TMPRSS6: variants seen among roughly 807,000 people sequenced by gnomAD.
TMPRSS6 encodes the protein transmembrane serine protease 6.
TMPRSS6 carries 67 observed loss-of-function variants against 101.5 expected under a neutral mutation model. The ratio of observed to expected loss-of-function variants is 0.66; its 90% CI spans 0.54 to 0.81. The LOEUF is 0.81. TMPRSS6 is among the 30% of genes least tolerant of loss of function. The pLI is 0.00. For synonymous variants in TMPRSS6, 453 were observed against 464.9 expected, an observed-to-expected ratio of 0.97 and a Z score of 0.33; for missense variants, 1,034 against 1,088.7, an observed-to-expected ratio of 0.95 and a Z score of 0.71.
At chr22:37,078,773 A>AGGAGGAGG (rs1569005320) in intron 10 of TMPRSS6, among the ~76,000 whole-genome samples, 464 of 144,626 alleles carry the variant, frequency 3.2e-3, no homozygotes, top group Non-Finnish European at 4.7e-3. Context: ...GAATGAGGAG[A>AGGAGGAGG]AGGAGGAGGA....
intron 10 of TMPRSS6, among the ~76,000 whole-genome samples, chr22:37,078,830 G>A (rs1237691761): frequency 7.7e-6 from 1 of 130,542 alleles, no homozygotes; most frequent in East Asian, 2.0e-4. Context: ...GAAGAAGAAA[G>A]AGGAGGAGGA....
At chr22:37,093,735 C>T (rs1238474153) in intron 6 of TMPRSS6, among the ~76,000 whole-genome samples, 3 of 150,842 alleles carry the variant, frequency 2.0e-5, no homozygotes, top group African/African-American at 7.3e-5. Flanking sequence ...GAAAAATGGC[C>T]TATGGAGCCA....
intron 8 of TMPRSS6, 120 bp downstream of exon 8, chr22:37,086,163 A>G: frequency 1.4e-6 from 2 of 1,397,274 alleles, no homozygotes; most frequent in Non-Finnish European, 2.0e-6. Context: ...AGCTTCCAGA[A>G]TCTTCCCTCT....
At chr22:37,106,727 C>A (rs918576567) in intron 1 of TMPRSS6, among the ~76,000 whole-genome samples, 2 of 152,142 alleles carry the variant, frequency 1.3e-5, no homozygotes, top group African/African-American at 4.8e-5. Context: ...CCCCTTGCTG[C>A]GACATCCAAG....
chr22:37,074,554 T>G, intron 12 of TMPRSS6, 56 bp downstream of exon 12: 2 of 1,524,930 alleles, frequency 1.3e-6, no homozygotes, highest in East Asian at 2.3e-5. Flanking sequence ...GCAGGAAAGG[T>G]GAGGAAGGAG....
chr22:37,087,190 C>T (rs1017121150), intron 7 of TMPRSS6, among the ~76,000 whole-genome samples: 1 of 152,200 alleles, frequency 6.6e-6, no homozygotes, highest in African/African-American at 2.4e-5. Context: ...CACCAACCTC[C>T]CCCAAACTTC....
At chr22:37,078,949 G>GA (rs1927978636) in intron 10 of TMPRSS6, among the ~76,000 whole-genome samples, 1 of 113,568 alleles carries the variant, frequency 8.8e-6, no homozygotes, top group African/African-American at 3.6e-5. Flanking sequence ...GAAGGAGAAG[G>GA]AGAAAAAGAG....
chr22:37,070,795 G>A, intron 14 of TMPRSS6, 121 bp downstream of exon 14: 1 of 1,306,402 alleles, frequency 7.7e-7, no homozygotes, highest in East Asian at 2.3e-5. Context: ...ACCCAGGCAA[G>A]GGGGCAGAGG....
At chr22:37,072,936 C>T (rs1259323312) in intron 13 of TMPRSS6, among the ~76,000 whole-genome samples, 1 of 129,966 alleles carries the variant, frequency 7.7e-6, no homozygotes, top group African/African-American at 3.0e-5. Flanking sequence ...GGATGATGGA[C>T]AGATGGATGA....
Position 37,071,024 on chromosome 22 carries a change from A to G in TMPRSS6, c.1564T>C (p.Cys522Arg). 4 of 1,612,052 alleles carry G rather than the reference A, an allele frequency of 2.5e-6. No individual in the cohort carries two copies. The highest frequency in any genetic ancestry group is 1.1e-5 in the South Asian group (1 of 91,032). Reference protein sequence around the residue: ...DEEQCQEGVPCGTFTFQCEDR... With the variant: ...DEEQCQEGVPRGTFTFQCEDR... ...TCACACTGGAAGGTGAATGTCCCAC[A>G]TGGCACCCCTGGGACAGAGGGGATG... The change falls in exon 14 of 18, where the codon TGT becomes CGT. Residue 522 changes from cysteine (C) to arginine (R), a missense_variant. Physicochemically the swap from Cys to Arg is radical, Grantham distance 180. Transcript: ENST00000676104.
chr22:37,108,787 C>CCAGGGCAGAG (rs1930875038), intron 1 of TMPRSS6, among the ~76,000 whole-genome samples: 1 of 152,138 alleles, frequency 6.6e-6, no homozygotes, highest in Non-Finnish European at 1.5e-5. Flanking sequence ...GGTCCCTCAG[C>CCAGGGCAGAG]CAGGGCAGAG....
intron 10 of TMPRSS6, among the ~76,000 whole-genome samples, chr22:37,078,865 G>GA: frequency 2.1e-5 from 1 of 46,876 alleles, no homozygotes; most frequent in Non-Finnish European, 4.2e-5. Context: ...AGAAGAAGGA[G>GA]AAGAGGAAGG....
At chr22:37,095,244 A>T (rs767242364) in intron 6 of TMPRSS6, among the ~76,000 whole-genome samples, 2 of 152,246 alleles carry the variant, frequency 1.3e-5, no homozygotes, top group Non-Finnish European at 2.9e-5. Flanking sequence ...GAAGTGAATG[A>T]TAGAGGAGAG....
chr22:37,072,196 GATGA>G (rs1927015119), intron 13 of TMPRSS6, among the ~76,000 whole-genome samples: 3 of 147,336 alleles, frequency 2.0e-5, no homozygotes, highest in South Asian at 2.2e-4. Context: ...ATGGATGATG[GATGA>G]ATGGATGGAT....
At chr22:37,067,369 C>G (rs1926399815) in intron 16 of TMPRSS6, among the ~76,000 whole-genome samples, 1 of 152,146 alleles carries the variant, frequency 6.6e-6, no homozygotes, top group African/African-American at 2.4e-5. Flanking sequence ...ACTCAGGAGG[C>G]TGAGGCAGGA....
chr22:37,072,225 TGGATGGATGATG>T (rs1568998980), intron 13 of TMPRSS6, among the ~76,000 whole-genome samples: 1 of 71,558 alleles, frequency 1.4e-5, no homozygotes, highest in Non-Finnish European at 2.7e-5. Flanking sequence ...GATGGATGGA[TGGATGGATGATG>T]GATGGATGGA....
chr22:37,075,015 A>ACT (rs1041166459), intron 11 of TMPRSS6, 120 bp downstream of exon 11: 8 of 1,295,526 alleles, frequency 6.2e-6, no homozygotes, highest in East Asian at 4.6e-5. Context: ...ACACACACAC[A>ACT]CTCTCTCTCT....
At chr22:37,100,962 A>G (rs970113193) in intron 2 of TMPRSS6, among the ~76,000 whole-genome samples, 1 of 152,186 alleles carries the variant, frequency 6.6e-6, no homozygotes, top group Non-Finnish European at 1.5e-5. Flanking sequence ...ATGATGACTG[A>G]GAAGTGGACA....
At chr22:37,088,808 G>A (rs55829805) in intron 7 of TMPRSS6, among the ~76,000 whole-genome samples, 1,670 of 152,328 alleles carry the variant, frequency 0.011, 16 homozygotes, top group Non-Finnish European at 0.016. Context: ...AATGGCTAGC[G>A]TGTAAGTGCT....
Sources: gnomAD v4.1 joint callset for allele counts (sites outside exome capture counted in the v4.1 genomes callset) on GRCh38, gnomAD v4.1.1 for gene constraint, MANE v1.5 for transcripts, NCBI Gene and HGNC (gene_info 2026-07-23, HGNC 2026-07-21) for gene names.